The following ATAD2 variants were observed in gnomAD, a reference collection of about 807,000 sequenced individuals.
The protein encoded by ATAD2 is ATPase family AAA domain-containing protein 2.
ATAD2 carries 62 observed loss-of-function variants against 168.9 expected under a neutral mutation model. That is an observed-to-expected ratio of 0.37 (90% CI 0.30 to 0.45). The LOEUF (loss-of-function observed/expected upper bound fraction) is 0.45. Among genes scored for constraint, ATAD2 ranks in the 20% least tolerant of loss-of-function variants. The pLI, the probability that ATAD2 is intolerant of heterozygous loss-of-function variation, is 1.00. For synonymous variants in ATAD2, 613 were observed against 571.6 expected (o/e 1.07, Z -1.03); for missense variants, 1,419 against 1,667.8 (o/e 0.85, Z 2.60).
intron 1 of ATAD2, among the ~76,000 whole-genome samples, chr8:123,408,239 T>C (rs1046831106): frequency 9.2e-5 from 14 of 152,334 alleles, no homozygotes; most frequent in Admixed American, 6.5e-4. Context: ...CCCTTCTGTC[T>C]GGGAGATTTT....
Position 123,372,647 on chromosome 8 carries a change from C to T in ATAD2, c.360G>A (p.Glu120=). Residue 120 remains glutamate, a synonymous_variant, in exon 3 of 28, where the codon GAG becomes GAA. Transcript: ENST00000287394. ...ARQQADKKKE[E]HREDKVIPVT... ...TTTAACAGTACTTACCTTCTCTGTGCTCTTCTTTTTTTTTATCAGCCTGCT... is the reference window on the plus strand; with the variant it reads ...TTTAACAGTACTTACCTTCTCTGTGTTCTTCTTTTTTTTTATCAGCCTGCT... 1.3e-6 allele frequency: 2 copies of T among 1,591,082 alleles called. No homozygotes were observed. The highest frequency in any genetic ancestry group is 1.7e-6 in the Non-Finnish European group (2 of 1,169,672).
chr8:123,372,424 G>T (rs1399473286), intron 3 of ATAD2, among the ~76,000 whole-genome samples: 1 of 152,148 alleles, frequency 6.6e-6, no homozygotes, highest in Non-Finnish European at 1.5e-5. Flanking sequence ...GAAGAGCCAG[G>T]AGGAATTATA....
intron 1 of ATAD2, among the ~76,000 whole-genome samples, chr8:123,387,343 T>C (rs893554954): frequency 6.6e-6 from 1 of 152,196 alleles, no homozygotes; most frequent in Non-Finnish European, 1.5e-5. Context: ...TAAATATCTC[T>C]AGATGAATTA....
chr8:123,372,564 G>T, intron 3 of ATAD2, 73 bp downstream of exon 3: 1 of 1,144,678 alleles, frequency 8.7e-7, no homozygotes, highest in Non-Finnish European at 1.2e-6. Flanking sequence ...TTTATTGTAG[G>T]TACCTCAAAA....
intron 13 of ATAD2, 43 bp downstream of exon 13, chr8:123,356,346 G>A: frequency 3.3e-6 from 5 of 1,501,682 alleles, no homozygotes; most frequent in Non-Finnish European, 4.6e-6. Flanking sequence ...ATACCACTCA[G>A]GAAATAGGAA....
At position 123,347,344 on chromosome 8, in the gene ATAD2, G is replaced by A. The variant is rs146677964; in HGVS notation, c.1960C>T (p.Arg654Cys). ...AEAALCALRRRYPQIYTTSEK... is the reference protein window; with the variant it reads ...AEAALCALRRCYPQIYTTSEK... ...CTAGTGGTATAGATCTGTGGGTAGC[G>A]TCGTCGTAAAGCACATAAAGCAGCT... Residue 654 changes from arginine to cysteine, a missense_variant, in exon 16 of 28, where the codon CGC becomes TGC. By Grantham distance (180) the Arg-to-Cys change is radical (BLOSUM62 -3). Around this residue, in one of 5 missense-constraint regions of ATAD2, gnomAD observed 545 missense variants for 724.9 expected, o/e 0.75. Coordinates refer to ENST00000287394, the MANE Select transcript of ATAD2 (RefSeq NM_014109.4). 5.3e-5 allele frequency: 85 copies of A among 1,613,640 alleles called. No homozygotes were observed. The highest frequency in any genetic ancestry group is 1.1e-4 in the East Asian group (5 of 44,878).
At chr8:123,379,607 G>C (rs1161899191) in intron 2 of ATAD2, among the ~76,000 whole-genome samples, 2 of 150,882 alleles carry the variant, frequency 1.3e-5, no homozygotes, top group African/African-American at 2.4e-5. Flanking sequence ...TTGTTGCCCA[G>C]GCTAGAGTAC....
intron 1 of ATAD2, among the ~76,000 whole-genome samples, chr8:123,404,927 T>A (rs1813050863): frequency 6.6e-6 from 1 of 152,234 alleles, no homozygotes; most frequent in African/African-American, 2.4e-5. Flanking sequence ...ATCTCAGTTA[T>A]ATCTGCAAAG....
upstream of ATAD2, chr8:123,401,439 G>A (rs1373936268): frequency 7.6e-6 from 11 of 1,441,568 alleles, no homozygotes; most frequent in African/African-American, 1.4e-5. Flanking sequence ...GGTGTATTAC[G>A]TCAAACAGAA....
At chr8:123,349,260 A>C in intron 14 of ATAD2, 25 bp downstream of exon 14, 1 of 1,599,390 alleles carries the variant, frequency 6.3e-7, no homozygotes, top group African/African-American at 1.3e-5. Flanking sequence ...ATTTTGTCAA[A>C]ATTTGAGTGA....
chr8:123,390,873 G>A (rs558996369), intron 1 of ATAD2, among the ~76,000 whole-genome samples: 4 of 152,086 alleles, frequency 2.6e-5, no homozygotes, highest in Non-Finnish European at 4.4e-5. Context: ...GCTGGGCATG[G>A]TGGCAGGCGC....
chr8:123,388,590 C>T (rs919002567), intron 1 of ATAD2, among the ~76,000 whole-genome samples: 1 of 152,080 alleles, frequency 6.6e-6, no homozygotes, highest in Middle Eastern at 3.2e-3. Context: ...CACCACATTG[C>T]CCAGGCTGGT....
At chr8:123,401,808 G>C (rs992393343) in intron 1 of ATAD2, 1 of 755,844 alleles carries the variant, frequency 1.3e-6, no homozygotes, top group African/African-American at 1.7e-5. Flanking sequence ...TGGGGCACAG[G>C]CTTGCTGGAT....
In ATAD2 at chr8:123,371,404, T is replaced by C. The variant is rs537699504; in HGVS notation, c.537-66A>G. On this transcript the variant is annotated intron_variant, in intron 4 of 27. Coordinates refer to ENST00000287394, the MANE Select transcript of ATAD2 (RefSeq NM_014109.4). ...GAGTAGCAGAATTTTAAAAACTTTA[T>C]TTTTCTTCCATTGCAAACTTTTGGC... 9.8e-6 allele frequency: 13 copies of C among 1,322,250 alleles called. 1 individual carries two copies. The South Asian group carries it at 1.5e-4, about 15-fold the overall frequency. The allele number at this position is 1,322,250 out of a possible 1,614,324, so 81.9% of individuals were successfully genotyped here.
Position 123,347,271 on chromosome 8 carries a change from T to C in ATAD2, c.2033A>G (p.Asp678Gly). The C allele has an allele frequency of 6.2e-7, 1 of 1,614,118 alleles. No homozygotes were observed. The highest frequency in any genetic ancestry group is 8.5e-7 in the Non-Finnish European group (1 of 1,180,030). Reference protein sequence around the residue: ...DLSSINISAKDFEVAMQKMIP... With the variant: ...DLSSINISAKGFEVAMQKMIP... The stretch of plus-strand genomic sequence containing the variant: ...CATCTTTTGCATAGCTACCTCGAAA[T>C]CCTTAGCTGAGATATTAATTGAAGA... The change falls in exon 16 of 28, where the codon GAT (aspartate) becomes GGT (glycine). Residue 678 changes from aspartate to glycine, a missense_variant. This residue lies in a region of ATAD2 where 545 missense variants were observed against 724.9 expected (regional missense o/e 0.75). Coordinates refer to ENST00000287394, the MANE Select transcript of ATAD2 (RefSeq NM_014109.4).
chr8:123,399,767 T>C, upstream of ATAD2, among the ~76,000 whole-genome samples: 1 of 150,806 alleles, frequency 6.6e-6, no homozygotes, highest in East Asian at 2.0e-4. Flanking sequence ...GGCAGAAGAA[T>C]TTCTTGAACC....
chr8:123,337,597 A>T, intron 21 of ATAD2, 28 bp downstream of exon 21: 4 of 1,551,306 alleles, frequency 2.6e-6, no homozygotes, highest in Non-Finnish European at 3.5e-6. Flanking sequence ...GGCCTAGAAT[A>T]CACTTGATCC....
chr8:123,392,509 T>C (rs1705241033), intron 1 of ATAD2, among the ~76,000 whole-genome samples: 2 of 151,886 alleles, frequency 1.3e-5, no homozygotes, highest in Admixed American at 1.3e-4. Flanking sequence ...AAAAAAAAAA[T>C]CTTACCTACC....
chr8:123,396,441 G>A lies in ATAD2; in HGVS notation c.-84C>T, dbSNP rs559475441. The A allele has an allele frequency of 4.4e-6, 6 of 1,360,036 alleles. No homozygotes were observed. The highest frequency in any genetic ancestry group is 3.1e-5 in the African/African-American group (2 of 65,384). 84.2% of individuals were successfully genotyped at this position (1,360,036 alleles called of 1,614,324 possible). A position where few individuals can be genotyped will look rare whatever the true frequency, so the allele number is the denominator to read the frequency against. On this transcript the variant is annotated 5_prime_UTR_variant, in exon 1 of 28. Coordinates refer to ENST00000287394, the MANE Select transcript of ATAD2 (RefSeq NM_014109.4). ...CGCAGCTCTGGCTCTTCCGCGCTCC[G>A]AATTCTGGCGCCACAAGCTCCGCGC...
Sources: allele counts gnomAD v4.1 joint callset (sites outside exome capture counted in the v4.1 genomes callset), GRCh38; gene constraint gnomAD v4.1.1; regional missense constraint gnomAD v4.1.1; transcripts MANE v1.5; gene names NCBI Gene and HGNC (gene_info 2026-07-23, HGNC 2026-07-21).